CEP112: variants seen among roughly 807,000 people sequenced by gnomAD.
CEP112 encodes centrosomal protein of 112 kDa.
Under a neutral mutation model 153.0 loss-of-function variants are expected in CEP112, and 127 were observed. The observed-to-expected ratio is 0.83, with a 90% CI of 0.72 to 0.96. CEP112 has a LOEUF of 0.96. Ranked by LOEUF, CEP112 falls within the 40% of genes least tolerant of loss-of-function variation. CEP112 has a pLI of 0.00. For synonymous variants in CEP112, 358 were observed against 374.4 expected (o/e 0.96, Z 0.51); for missense variants, 1,089 against 1,101.2 (o/e 0.99, Z 0.16).
chr17:65,920,401 A>ATATAAT (rs1555713418), intron 19 of CEP112, among the ~76,000 whole-genome samples: 2 of 117,230 alleles, frequency 1.7e-5, no homozygotes, highest in Admixed American at 1.8e-4. Flanking sequence ...ATATATATAT[A>ATATAAT]TATAATTATA....
intron 23 of CEP112, among the ~76,000 whole-genome samples, chr17:65,729,711 C>G (rs1057416741): frequency 2.6e-5 from 4 of 152,192 alleles, no homozygotes; most frequent in African/African-American, 9.7e-5. Flanking sequence ...CAATTAACCA[C>G]CAGCCTGGGC....
chr17:65,797,439 A>C (rs1048825302), intron 21 of CEP112, among the ~76,000 whole-genome samples: 7 of 152,202 alleles, frequency 4.6e-5, no homozygotes, highest in African/African-American at 1.4e-4. Flanking sequence ...CAGTTTGTTT[A>C]CCATTTGGGA....
At chr17:65,871,263 CT>C (rs1198453961) in intron 20 of CEP112, among the ~76,000 whole-genome samples, 33 of 152,272 alleles carry the variant, frequency 2.2e-4, no homozygotes, top group South Asian at 4.1e-4. Context: ...ATGATGACTT[CT>C]TATCATGACT....
chr17:65,940,698 G>A (rs1479804479), intron 18 of CEP112, among the ~76,000 whole-genome samples: 2 of 152,154 alleles, frequency 1.3e-5, no homozygotes, highest in Admixed American at 1.3e-4. Flanking sequence ...GAACTCAGAA[G>A]TAGAGAGTAC....
chr17:65,705,197 T>A (rs1331148333), intron 23 of CEP112, among the ~76,000 whole-genome samples: 2 of 152,244 alleles, frequency 1.3e-5, no homozygotes, highest in African/African-American at 4.8e-5. Flanking sequence ...ATTTCATTTG[T>A]ATCATAATGC....
intron 21 of CEP112, among the ~76,000 whole-genome samples, chr17:65,841,443 A>G (rs1484971328): frequency 6.6e-6 from 1 of 152,072 alleles, no homozygotes; most frequent in Non-Finnish European, 1.5e-5. Flanking sequence ...TGGGAGCTAA[A>G]AAAGTGGATC....
At position 65,790,621 on chromosome 17, in the gene CEP112, CCTTA is replaced by C. The variant is rs1313937981; in HGVS notation, c.2395-39901_2395-39898del. Reference sequence around the variant, plus strand: ...TCCTTCGATCCTCGCATGGAAATAGCCTTAATTAGGACCTATATTTTCTAAACAC... The same window carrying C: ...TCCTTCGATCCTCGCATGGAAATAGCATTAGGACCTATATTTTCTAAACAC... On this transcript the variant is annotated intron_variant, in intron 21 of 26. Transcript: ENST00000535342. Among the ~76,000 whole-genome samples, 14 of 152,126 alleles carry C rather than the reference CCTTA, an allele frequency of 9.2e-5. 1 individual carries two copies. The highest frequency in any genetic ancestry group is 3.4e-4 in the African/African-American group (14 of 41,426).
intron 24 of CEP112, among the ~76,000 whole-genome samples, chr17:65,654,209 CA>C (rs1339946357): frequency 1.3e-5 from 2 of 152,048 alleles, no homozygotes; most frequent in Non-Finnish European, 2.9e-5. Context: ...GTTGCCACAG[CA>C]ACTGCCAAGA....
At chr17:65,945,541 A>C (rs995977692) in intron 18 of CEP112, among the ~76,000 whole-genome samples, 2 of 152,198 alleles carry the variant, frequency 1.3e-5, no homozygotes, top group African/African-American at 4.8e-5. Flanking sequence ...TCTTGTAAAC[A>C]CTTTTTATTT....
At chr17:65,638,900 T>C (rs1434858511) in intron 25 of CEP112, among the ~76,000 whole-genome samples, 1 of 151,944 alleles carries the variant, frequency 6.6e-6, no homozygotes, top group Non-Finnish European at 1.5e-5. Context: ...CAGATTCCTT[T>C]TTTTTTCCTC....
intron 6 of CEP112, among the ~76,000 whole-genome samples, chr17:66,126,715 T>G (rs571955012): frequency 1.3e-5 from 2 of 152,160 alleles, no homozygotes; most frequent in South Asian, 4.1e-4. Flanking sequence ...AAGAATACAT[T>G]TGGGAATTTG....
chr17:66,153,747 C>T (rs230571), intron 4 of CEP112, among the ~76,000 whole-genome samples: 49,470 of 151,936 alleles, frequency 0.33, 9,720 homozygotes, highest in East Asian at 0.83. Context: ...TATAAAATAT[C>T]AAGATTTATT....
At chr17:65,993,446 G>T (rs1011643404) in intron 17 of CEP112, among the ~76,000 whole-genome samples, 1 of 151,824 alleles carries the variant, frequency 6.6e-6, no homozygotes, top group South Asian at 2.1e-4. Context: ...TACTCCTTTG[G>T]GTATAATATG....
intron 6 of CEP112, among the ~76,000 whole-genome samples, chr17:66,098,488 C>T (rs1465714330): frequency 6.6e-6 from 1 of 152,068 alleles, no homozygotes; most frequent in Non-Finnish European, 1.5e-5. Flanking sequence ...AATCCATACC[C>T]AATTTGACAA....
At chr17:65,958,524 C>T (rs1037624346) in intron 18 of CEP112, among the ~76,000 whole-genome samples, 2 of 152,202 alleles carry the variant, frequency 1.3e-5, no homozygotes, top group Non-Finnish European at 2.9e-5. Flanking sequence ...CCTTGCTGTC[C>T]GTGCCCACTC....
intron 24 of CEP112, chr17:65,661,696 C>T (rs571899121): frequency 3.9e-5 from 6 of 152,292 alleles, no homozygotes; most frequent in African/African-American, 1.4e-4. Flanking sequence ...GAGACCATTA[C>T]ATGGACTGTT....
At chr17:65,705,151 C>T (rs1197742918) in intron 23 of CEP112, among the ~76,000 whole-genome samples, 1 of 152,146 alleles carries the variant, frequency 6.6e-6, no homozygotes, top group Non-Finnish European at 1.5e-5. Flanking sequence ...GAAATCACTT[C>T]TATATGGACC....
chr17:65,866,249 C>T (rs1028145694), intron 20 of CEP112, among the ~76,000 whole-genome samples: 1 of 152,214 alleles, frequency 6.6e-6, no homozygotes, highest in African/African-American at 2.4e-5. Flanking sequence ...AGCCCAGGTG[C>T]TGTTGCAGCC....
At chr17:65,947,792 A>T (rs2061694499) in intron 18 of CEP112, among the ~76,000 whole-genome samples, 1 of 152,172 alleles carries the variant, frequency 6.6e-6, no homozygotes, top group Non-Finnish European at 1.5e-5. Context: ...AATCTTAAAG[A>T]CAATATTTAA....
Sources: allele counts gnomAD v4.1 joint callset (sites outside exome capture counted in the v4.1 genomes callset), GRCh38; gene constraint gnomAD v4.1.1; transcripts MANE v1.5; gene names NCBI Gene and HGNC (gene_info 2026-07-23, HGNC 2026-07-21).